The following RAMP1 variants were observed in gnomAD, a reference collection of about 807,000 sequenced individuals.
RAMP1 encodes the protein receptor activity-modifying protein 1.
In RAMP1, 7 loss-of-function variants were observed where a neutral mutation model predicts 8.2. The ratio of observed to expected loss-of-function variants is 0.85; its 90% CI spans 0.49 to 1.60. RAMP1 has a LOEUF of 1.60. Among genes scored for constraint, RAMP1 ranks in the 40% most tolerant of loss-of-function variants. RAMP1 has a pLI of 0.00. For missense variants in RAMP1, 192 were observed against 202.4 expected, an observed-to-expected ratio of 0.95 and a Z score of 0.31; for synonymous variants, 92 against 84.7, an observed-to-expected ratio of 1.09 and a Z score of -0.47.
At chr2:237,867,162 G>T (rs890875230) in intron 1 of RAMP1, among the ~76,000 whole-genome samples, 3 of 152,260 alleles carry the variant, frequency 2.0e-5, no homozygotes, top group African/African-American at 4.8e-5. Flanking sequence ...TTGAGTCCAG[G>T]GGGTGGAGGT....
At position 237,865,262 on chromosome 2, in the gene RAMP1, A is replaced by G. The variant is rs570660506; in HGVS notation, c.52+5535A>G. ...AGTAGGGAGGGCAGGGCAGGGGAGA[A>G]GAGAGGAGAGGAGGGGAGGGGAGAG... On this transcript the variant is annotated intron_variant, in intron 1 of 2. Coordinates refer to ENST00000254661, the MANE Select transcript of RAMP1 (RefSeq NM_005855.4). The surrounding 1 kb of genome is among the most constrained non-coding windows in gnomAD (Gnocchi z 4.2). Among the ~76,000 whole-genome samples the G allele has an allele frequency of 3.0e-5, 4 of 132,468 alleles. No homozygotes were observed. The highest frequency in any genetic ancestry group is 8.4e-5 in the African/African-American group (3 of 35,610). The allele number at this position is 132,468 out of a possible 152,430, so 86.9% of individuals were successfully genotyped here.
At chr2:237,886,643 G>T (rs958166655) in intron 2 of RAMP1, among the ~76,000 whole-genome samples, 2 of 152,206 alleles carry the variant, frequency 1.3e-5, no homozygotes, top group Non-Finnish European at 2.9e-5. Flanking sequence ...TTTTTCGGAA[G>T]TCTTCTGGCC....
At chr2:237,882,844 T>TGTGGGCAAGC (rs879283395) in intron 2 of RAMP1, among the ~76,000 whole-genome samples, 1 of 151,822 alleles carries the variant, frequency 6.6e-6, no homozygotes, top group Non-Finnish European at 1.5e-5. Flanking sequence ...TGTGGGCAGG[T>TGTGGGCAAGC]GGCACTGTGT....
intron 1 of RAMP1, among the ~76,000 whole-genome samples, chr2:237,868,927 T>C (rs1184461800): frequency 6.6e-6 from 1 of 152,184 alleles, no homozygotes; most frequent in African/African-American, 2.4e-5. Context: ...ACCACAACCA[T>C]GACTTAGTGT....
At chr2:237,903,500 A>G (rs1298496813) in intron 2 of RAMP1, among the ~76,000 whole-genome samples, 1 of 151,920 alleles carries the variant, frequency 6.6e-6, no homozygotes, top group Non-Finnish European at 1.5e-5. Context: ...AGTATCCTAC[A>G]CCTTCACTAG....
intron 1 of RAMP1, chr2:237,860,028 A>T (rs1201659191): frequency 3.5e-6 from 1 of 284,272 alleles, no homozygotes; most frequent in Non-Finnish European, 6.6e-6. Context: ...CACACTGGAG[A>T]ACTAGTTTTC....
At chr2:237,874,952 G>A (rs1300944453) in intron 1 of RAMP1, among the ~76,000 whole-genome samples, 1 of 152,184 alleles carries the variant, frequency 6.6e-6, no homozygotes, top group African/African-American at 2.4e-5. Context: ...GCGGAGGAGG[G>A]CAGGTGGGAC....
intron 2 of RAMP1, among the ~76,000 whole-genome samples, chr2:237,884,143 T>C (rs1161131162): frequency 1.3e-5 from 2 of 152,074 alleles, no homozygotes; most frequent in Admixed American, 1.3e-4. Context: ...TCCTGAGCCC[T>C]TTCTAACACG....
chr2:237,864,341 G>A (rs545977402), intron 1 of RAMP1, among the ~76,000 whole-genome samples: 4 of 152,274 alleles, frequency 2.6e-5, no homozygotes, highest in South Asian at 4.1e-4. Context: ...AAGGCCTGCC[G>A]CTGTCAGGTA....
At chr2:237,910,636 A>G (rs1559178617) in intron 2 of RAMP1, among the ~76,000 whole-genome samples, 1 of 151,292 alleles carries the variant, frequency 6.6e-6, no homozygotes, top group Non-Finnish European at 1.5e-5. Flanking sequence ...GTCACACAGA[A>G]TAACACAGCT....
At chr2:237,867,268 T>C (rs2062196979) in intron 1 of RAMP1, among the ~76,000 whole-genome samples, 1 of 151,898 alleles carries the variant, frequency 6.6e-6, no homozygotes, top group Non-Finnish European at 1.5e-5. Context: ...ATACTTTTCA[T>C]TAAGTGTAAG....
At chr2:237,887,273 C>T (rs904620859) in intron 2 of RAMP1, among the ~76,000 whole-genome samples, 3 of 152,222 alleles carry the variant, frequency 2.0e-5, no homozygotes, top group Admixed American at 1.3e-4. Flanking sequence ...CCATTCATCA[C>T]TCAGATGGTA....
At chr2:237,876,919 G>A (rs540172259) in intron 1 of RAMP1, among the ~76,000 whole-genome samples, 3 of 152,114 alleles carry the variant, frequency 2.0e-5, no homozygotes, top group African/African-American at 7.2e-5. Flanking sequence ...GACTGTCTCC[G>A]GGCCCCTCTC....
At position 237,862,067 on chromosome 2, in the gene RAMP1, G is replaced by T. The variant is rs2062138562; in HGVS notation, c.52+2340G>T. ...AATGCTGGCTGGTGCTGTCACACAT[G>T]AACTCAGTCACCTGTCCTAGGAAAC... On this transcript the variant is annotated intron_variant, in intron 1 of 2. Coordinates refer to ENST00000254661, the MANE Select transcript of RAMP1 (RefSeq NM_005855.4). This position sits in a 1 kb window ranked among gnomAD's most constrained non-coding sequence, Gnocchi z 4.0. 6.6e-6 allele frequency among the ~76,000 whole-genome samples: 1 copy of T among 152,076 alleles called. No homozygotes were observed. The highest frequency in any genetic ancestry group is 1.5e-5 in the Non-Finnish European group (1 of 68,014).
intron 1 of RAMP1, among the ~76,000 whole-genome samples, chr2:237,871,564 T>C (rs1212353762): frequency 6.6e-6 from 1 of 152,114 alleles, no homozygotes; most frequent in Non-Finnish European, 1.5e-5. Flanking sequence ...GGCGTTCCTA[T>C]GGGCTGGGGA....
chr2:237,869,153 C>T (rs1226101006), intron 1 of RAMP1, among the ~76,000 whole-genome samples: 1 of 152,178 alleles, frequency 6.6e-6, no homozygotes, highest in African/African-American at 2.4e-5. Context: ...TCCCTGGGCA[C>T]GTGTTGCTGC....
At position 237,911,573 on chromosome 2, in the gene RAMP1, G is replaced by A. The variant is rs1483061449; in HGVS notation, c.237G>A (p.Lys79=). The A allele has an allele frequency of 3.7e-6, 6 of 1,614,154 alleles. No homozygotes were observed. Among genetic ancestry groups the A allele is most frequent in the Non-Finnish European group, 5.1e-6 (6 of 1,180,006 alleles). Residue 79 remains lysine (K), a synonymous_variant, in exon 3 of 3, where the codon AAG becomes AAA. Transcript: ENST00000254661. The stretch of plus-strand genomic sequence containing the variant: ...ACTGCACCTGGCACATGGCGGAGAA[G>A]CTGGGCTGCTTCTGGCCCAATGCAG... ...LADCTWHMAE[K]LGCFWPNAEV...
rs770061573 is a variant in RAMP1, at chr2:237,911,730, C to T, written c.394C>T (p.Leu132=). The part of the protein sequence containing the change: ...FIVVPITVTL[L]VTALVVWQSK... ...CGTGGTCCCCATCACGGTGACCCTG[C>T]TGGTGACGGCACTGGTGGTCTGGCA... Residue 132 remains leucine (L), a synonymous_variant, in exon 3 of 3, where the codon CTG becomes TTG. Transcript: ENST00000254661. The T allele has an allele frequency of 6.2e-7, 1 of 1,613,434 alleles. No individual in the cohort carries two copies.
chr2:237,908,037 C>A (rs1342605401), intron 2 of RAMP1, among the ~76,000 whole-genome samples: 3 of 152,208 alleles, frequency 2.0e-5, no homozygotes, highest in Non-Finnish European at 4.4e-5. Context: ...TGGTTATCTT[C>A]AATGTACCAT....
Sources: gnomAD v4.1 joint callset for allele counts (sites outside exome capture counted in the v4.1 genomes callset) on GRCh38, gnomAD v4.1.1 for gene constraint, Gnocchi (gnomAD v3.1) non-coding constraint, MANE v1.5 for transcripts, NCBI Gene and HGNC (gene_info 2026-07-23, HGNC 2026-07-21) for gene names.